Variants in HNF1A observed in about 807,000 individuals in gnomAD.
The protein encoded by HNF1A is hepatocyte nuclear factor 1-alpha.
In HNF1A, 21 loss-of-function variants were observed where a neutral mutation model predicts 62.2. That is an observed-to-expected ratio of 0.34 (90% CI 0.24 to 0.49). The LOEUF is 0.49. Among genes scored for constraint, HNF1A ranks in the 20% least tolerant of loss-of-function variants. The pLI is 0.99. For missense variants in HNF1A, 687 were observed against 832.3 expected (o/e 0.83, Z 2.15); for synonymous variants, 374 against 366.8 (o/e 1.02, Z -0.22).
intron 2 of HNF1A, among the ~76,000 whole-genome samples, chr12:120,992,554 A>G (rs923756277): frequency 6.6e-6 from 1 of 152,218 alleles, no homozygotes; most frequent in Non-Finnish European, 1.5e-5. Flanking sequence ...GAAGTCTAAC[A>G]TAAAAAGTGC....
At position 120,982,067 on chromosome 12, in the gene HNF1A, T is replaced by C. The variant is rs146601562; in HGVS notation, c.326+2973T>C. On this transcript the variant is annotated intron_variant, in intron 1 of 9. Coordinates refer to ENST00000257555, the MANE Select transcript of HNF1A (RefSeq NM_000545.8). ...CTCAAACCCCAGCGTGTTTCTTTTT[T>C]GTTGTTGTTGTTGTTATTTTTGAGA... Among the ~76,000 whole-genome samples, 281 of 151,742 alleles carry C rather than the reference T, an allele frequency of 1.9e-3. 2 individuals carry two copies. The highest frequency in any genetic ancestry group is 6.2e-3 in the Admixed American group (95 of 15,226).
chr12:120,989,077 A>G (rs1243571723), intron 2 of HNF1A, 45 bp downstream of exon 2: 1 of 1,569,164 alleles, frequency 6.4e-7, no homozygotes, highest in African/African-American at 1.4e-5. Flanking sequence ...AGGGCCCAGG[A>G]CTCTCCCCTA....
At chr12:120,982,039 C>T (rs1313717037) in intron 1 of HNF1A, among the ~76,000 whole-genome samples, 1 of 152,162 alleles carries the variant, frequency 6.6e-6, no homozygotes, top group Non-Finnish European at 1.5e-5. Context: ...TGTCCCTGAT[C>T]AGCTCAAACC....
At chr12:121,000,032 A>C (rs777972859) in intron 9 of HNF1A, among the ~76,000 whole-genome samples, 1 of 152,230 alleles carries the variant, frequency 6.6e-6, no homozygotes, top group Non-Finnish European at 1.5e-5. Context: ...ATAGAAATCC[A>C]GATTTCTGGC....
At chr12:120,997,023 G>A (rs1877144343) in intron 6 of HNF1A, 2 of 1,486,974 alleles carry the variant, frequency 1.3e-6, no homozygotes, top group Non-Finnish European at 1.8e-6. Context: ...TTACAGCAGG[G>A]TAAGGGGGAC....
In HNF1A at chr12:120,995,699, C is replaced by A. The variant is rs1593060086; in HGVS notation, c.956-563C>A. Among the ~76,000 whole-genome samples the A allele has an allele frequency of 2.6e-5, 4 of 151,806 alleles. No individual in the cohort carries two copies. In the South Asian group the frequency reaches 6.3e-4, roughly 24 times the overall value. On this transcript the variant is annotated intron_variant, in intron 4 of 9. Transcript: ENST00000257555. ...TCCATTCATTCCACTCCACGCCACA[C>A]TATTCCTCACCATTCCATCCACTCC...
At chr12:120,998,504 T>C (rs1397991973) in intron 7 of HNF1A, among the ~76,000 whole-genome samples, 1 of 152,180 alleles carries the variant, frequency 6.6e-6, no homozygotes, top group East Asian at 1.9e-4. Flanking sequence ...GGAAATCTTT[T>C]GGTTTCAGAC....
intron 1 of HNF1A, among the ~76,000 whole-genome samples, chr12:120,984,748 G>A (rs1876426762): frequency 6.6e-6 from 1 of 151,950 alleles, no homozygotes; most frequent in African/African-American, 2.4e-5. Flanking sequence ...CGGGGGTGGG[G>A]TGGTCCTGGC....
intron 1 of HNF1A, among the ~76,000 whole-genome samples, chr12:120,980,048 C>T (rs1194332016): frequency 6.6e-6 from 1 of 152,168 alleles, no homozygotes; most frequent in Non-Finnish European, 1.5e-5. Context: ...CCTACAGCGC[C>T]TGCTTGAGGA....
At chr12:120,987,608 A>ACC (rs1876582320) in intron 1 of HNF1A, among the ~76,000 whole-genome samples, 1 of 140,140 alleles carries the variant, frequency 7.1e-6, no homozygotes, top group Admixed American at 7.2e-5. Context: ...ATATATATAT[A>ACC]CACATATATA....
chr12:120,984,209 G>A (rs1876398726), intron 1 of HNF1A, among the ~76,000 whole-genome samples: 3 of 152,080 alleles, frequency 2.0e-5, no homozygotes. Context: ...CACTTTAACA[G>A]TTTGCTTTCC....
chr12:120,984,256 G>A (rs1876400676), intron 1 of HNF1A, among the ~76,000 whole-genome samples: 2 of 151,956 alleles, frequency 1.3e-5, no homozygotes, highest in African/African-American at 4.8e-5. Context: ...GGTTTCTAAG[G>A]GTTGCACATG....
At position 121,001,910 on chromosome 12, in the gene HNF1A, TC is replaced by T. The variant is rs1877515108; in HGVS notation, c.*721del. On this transcript the variant is annotated 3_prime_UTR_variant, in exon 10 of 10. Transcript: ENST00000257555. Reference sequence around the variant, plus strand: ...TGACCTCCAGCTTTCCTGTATTTGTTCCCAAGAGCATCATGCCTCTGAGGCC... The same window carrying T: ...TGACCTCCAGCTTTCCTGTATTTGTTCCAAGAGCATCATGCCTCTGAGGCC... 1 of 514,548 alleles carries T rather than the reference TC, an allele frequency of 1.9e-6. No individual in the cohort carries two copies. The allele number at this position is 514,548 out of a possible 1,614,324, so 31.9% of individuals were successfully genotyped here.
intron 2 of HNF1A, among the ~76,000 whole-genome samples, chr12:120,991,131 T>C (rs1389385745): frequency 2.0e-5 from 3 of 152,210 alleles, no homozygotes; most frequent in Non-Finnish European, 4.4e-5. Flanking sequence ...CTTCTTTATA[T>C]AAGTGCATGT....
intron 2 of HNF1A, among the ~76,000 whole-genome samples, chr12:120,989,554 C>T (rs1876710849): frequency 6.6e-6 from 1 of 152,008 alleles, no homozygotes; most frequent in Admixed American, 6.6e-5. Context: ...GCCACCATAC[C>T]CGGCCTGGGT....
chr12:120,997,949 G>A (rs1219908140), intron 7 of HNF1A: 1 of 625,718 alleles, frequency 1.6e-6, no homozygotes, highest in Non-Finnish European at 2.9e-6. Context: ...AAACTCTTAG[G>A]GCCATATGAA....
At chr12:120,988,611 A>C (rs1876654374) in intron 1 of HNF1A, among the ~76,000 whole-genome samples, 1 of 152,196 alleles carries the variant, frequency 6.6e-6, no homozygotes. Flanking sequence ...TGCGTCTACA[A>C]GTCTCTGTCC....
intron 2 of HNF1A, among the ~76,000 whole-genome samples, chr12:120,989,793 G>A (rs1225582453): frequency 6.6e-6 from 1 of 152,170 alleles, no homozygotes; most frequent in Non-Finnish European, 1.5e-5. Flanking sequence ...TCCTCAGGAA[G>A]GCAGAGGTAT....
intron 2 of HNF1A, among the ~76,000 whole-genome samples, chr12:120,990,847 T>C (rs1288625648): frequency 1.3e-5 from 2 of 152,246 alleles, no homozygotes; most frequent in Non-Finnish European, 2.9e-5. Context: ...TTGTGTATCC[T>C]TCCAGAGAGA....
Sources: allele counts gnomAD v4.1 joint callset (sites outside exome capture counted in the v4.1 genomes callset), GRCh38; gene constraint gnomAD v4.1.1; transcripts MANE v1.5; gene names NCBI Gene and HGNC (gene_info 2026-07-23, HGNC 2026-07-21).